The following TMEM132D variants were observed in gnomAD, a reference collection of about 807,000 sequenced individuals.
The protein encoded by TMEM132D is transmembrane protein 132D, also known as mature OL transmembrane protein.
In TMEM132D, 21 loss-of-function variants were observed where a neutral mutation model predicts 62.3. The ratio of observed to expected loss-of-function variants is 0.34; its 90% CI spans 0.24 to 0.49. The LOEUF is 0.49. TMEM132D is among the 20% of genes least tolerant of loss of function. The probability of loss-of-function intolerance (pLI) is 0.99; values close to 1 mark genes in which losing one functional copy is unlikely to be tolerated. For synonymous variants in TMEM132D, 621 were observed against 575.6 expected, an observed-to-expected ratio of 1.08 and a Z score of -1.13; for missense variants, 1,346 against 1,402.8, an observed-to-expected ratio of 0.96 and a Z score of 0.65.
rs377102704 is a variant in TMEM132D at position 129,074,805 on chromosome 12, C to T, written c.2370G>A (p.Thr790=). 281 of 1,613,886 alleles carry T rather than the reference C, an allele frequency of 1.7e-4. No homozygotes were observed. The highest frequency in any genetic ancestry group is 2.2e-4 in the Non-Finnish European group (263 of 1,180,030). The change falls in exon 9 of 9, where the codon ACG becomes ACA. Residue 790 remains threonine, a synonymous_variant. Transcript: ENST00000422113. The part of the protein sequence containing the change: ...SKRKSVLAVG[T]ANIKVKFGQN... ...GGCCAAATTTAACTTTGATGTTTGC[C>T]GTTCCAACAGCTAACACACTCTTCC...
At chr12:129,762,735 A>G (rs1168418634) in intron 1 of TMEM132D, among the ~76,000 whole-genome samples, 1 of 152,110 alleles carries the variant, frequency 6.6e-6, no homozygotes, top group Non-Finnish European at 1.5e-5. Context: ...CATATATTGT[A>G]CAAATCAAAG....
At chr12:129,295,742 A>AAAGTCTT (rs749009274) in intron 4 of TMEM132D, among the ~76,000 whole-genome samples, 8 of 152,138 alleles carry the variant, frequency 5.3e-5, no homozygotes, top group Admixed American at 1.3e-4. Context: ...TTCTTATACA[A>AAAGTCTT]AAGTCTTAAT....
chr12:129,224,348 G>A (rs1879424888), intron 4 of TMEM132D, among the ~76,000 whole-genome samples: 1 of 152,180 alleles, frequency 6.6e-6, no homozygotes, highest in Admixed American at 6.5e-5. Context: ...CTGCTGCATA[G>A]ATCAGGACTT....
chr12:129,178,968 G>C (rs1877987689), intron 5 of TMEM132D, among the ~76,000 whole-genome samples: 1 of 152,182 alleles, frequency 6.6e-6, no homozygotes, highest in East Asian at 1.9e-4. Context: ...TGGGACCACT[G>C]TGTGAATGGC....
chr12:129,192,791 A>T (rs1593291631), intron 5 of TMEM132D, among the ~76,000 whole-genome samples: 2 of 152,300 alleles, frequency 1.3e-5, no homozygotes, highest in East Asian at 3.9e-4. Context: ...GCCTGGTGGT[A>T]GCTGGGCGCC....
At chr12:129,137,122 C>T (rs1049702014) in intron 5 of TMEM132D, among the ~76,000 whole-genome samples, 1 of 150,700 alleles carries the variant, frequency 6.6e-6, no homozygotes, top group Non-Finnish European at 1.5e-5. Context: ...CCATCATCAC[C>T]ATCATCATCA....
At chr12:129,596,486 C>T (rs762607668) in intron 2 of TMEM132D, among the ~76,000 whole-genome samples, 10 of 152,010 alleles carry the variant, frequency 6.6e-5, no homozygotes, top group Non-Finnish European at 1.5e-4. Flanking sequence ...TTCCAGCACG[C>T]CCTGCAGATA....
intron 4 of TMEM132D, among the ~76,000 whole-genome samples, chr12:129,231,189 A>C (rs1566005256): frequency 1.3e-5 from 2 of 152,234 alleles, no homozygotes; most frequent in South Asian, 2.1e-4. Context: ...AGCCTCATGC[A>C]AGCGCTTCCT....
chr12:129,313,961 G>A (rs1417651040), intron 4 of TMEM132D, among the ~76,000 whole-genome samples: 1 of 152,190 alleles, frequency 6.6e-6, no homozygotes, highest in Non-Finnish European at 1.5e-5. Flanking sequence ...CTGATCATTA[G>A]TGATGTTGGC....
At chr12:129,078,246 G>A (rs1874341942) in intron 8 of TMEM132D, among the ~76,000 whole-genome samples, 1 of 152,240 alleles carries the variant, frequency 6.6e-6, no homozygotes. Flanking sequence ...GGTGGATGAG[G>A]GGTGGGCCTT....
chr12:129,377,285 A>C (rs1870809301), intron 3 of TMEM132D, among the ~76,000 whole-genome samples: 2 of 152,082 alleles, frequency 1.3e-5, no homozygotes, highest in Non-Finnish European at 1.5e-5. Flanking sequence ...CAGCCTCCAG[A>C]ACTGTGAGAA....
intron 3 of TMEM132D, among the ~76,000 whole-genome samples, chr12:129,390,563 C>CT (rs1300931360): frequency 6.6e-6 from 1 of 152,190 alleles, no homozygotes; most frequent in East Asian, 1.9e-4. Context: ...GAACTGAGTG[C>CT]TTTGTGTTCC....
intron 3 of TMEM132D, among the ~76,000 whole-genome samples, chr12:129,376,398 G>A (rs1426344017): frequency 2.6e-5 from 4 of 152,136 alleles, no homozygotes; most frequent in African/African-American, 4.8e-5. Flanking sequence ...AAGGAGCAAA[G>A]CCCCTTCTAA....
chr12:129,496,874 C>T (rs1221728682), intron 3 of TMEM132D, among the ~76,000 whole-genome samples: 1 of 152,194 alleles, frequency 6.6e-6, no homozygotes, highest in Non-Finnish European at 1.5e-5. Context: ...GGGAGTAACC[C>T]ATATGGAAGA....
chr12:129,539,145 C>T (rs965970939), intron 2 of TMEM132D, among the ~76,000 whole-genome samples: 1 of 152,076 alleles, frequency 6.6e-6, no homozygotes, highest in Admixed American at 6.6e-5. Flanking sequence ...TGATTCATGT[C>T]CCAGGAAGGA....
chr12:129,321,562 C>CT (rs796228512), intron 4 of TMEM132D, among the ~76,000 whole-genome samples: 5,501 of 145,736 alleles, frequency 0.038, 304 homozygotes, highest in African/African-American at 0.12. Flanking sequence ...CAGATCTTTT[C>CT]TTTTTTTTTT....
chr12:129,368,932 C>T (rs1870510723), intron 3 of TMEM132D, among the ~76,000 whole-genome samples: 1 of 152,212 alleles, frequency 6.6e-6, no homozygotes, highest in African/African-American at 2.4e-5. Context: ...CTCCCTGTTT[C>T]CTCGTTCCCA....
chr12:129,854,986 C>G (rs1253519632), intron 1 of TMEM132D: 1 of 152,430 alleles, frequency 6.6e-6, no homozygotes, highest in African/African-American at 2.4e-5. Context: ...GTTTATGCCC[C>G]TCCCCCAAAT....
chr12:129,146,356 T>C (rs7313361), intron 5 of TMEM132D, among the ~76,000 whole-genome samples: 22 of 152,046 alleles, frequency 1.4e-4, no homozygotes, highest in Non-Finnish European at 2.9e-5. Flanking sequence ...TTCCTGCTTG[T>C]AATTCTCTCA....
Sources: allele counts gnomAD v4.1 joint callset (sites outside exome capture counted in the v4.1 genomes callset), GRCh38; gene constraint gnomAD v4.1.1; transcripts MANE v1.5; gene names NCBI Gene and HGNC (gene_info 2026-07-23, HGNC 2026-07-21).